The following KDM5C variants were observed in gnomAD, a reference collection of about 807,000 sequenced individuals.
KDM5C encodes the protein lysine demethylase 5C, also known as lysine-specific demethylase 5C.
KDM5C carries 16 observed loss-of-function variants against 110.6 expected under a neutral mutation model. The observed-to-expected ratio is 0.14, with a 90% CI of 0.10 to 0.22. The LOEUF (loss-of-function observed/expected upper bound fraction) is 0.22. Ranked by LOEUF, KDM5C falls within the 10% of genes least tolerant of loss-of-function variation. The pLI is 1.00. For missense variants in KDM5C, 681 were observed against 1,300.9 expected (o/e 0.52, Z 7.33); for synonymous variants, 511 against 520.4 (o/e 0.98, Z 0.24).
At chrX:53,219,131 G>A (rs1032256043) in intron 2 of KDM5C, among the ~76,000 whole-genome samples, 6 of 112,582 alleles carry the variant, frequency 5.3e-5, no homozygotes, top group Admixed American at 3.7e-4. Context: ...TTGCTATGCT[G>A]CCTTGAGCAA....
In KDM5C at chrX:53,196,717, C is replaced by T; in HGVS notation, c.2950G>A (p.Glu984Lys). Residue 984 changes from glutamate (E) to lysine (K), a missense_variant, in exon 19 of 26, where the codon GAG (glutamate) becomes AAG (lysine). Around this residue, in one of 14 missense-constraint regions of KDM5C, gnomAD observed 66 missense variants for 162.9 expected, o/e 0.41. Coordinates refer to ENST00000375401, the MANE Select transcript of KDM5C (RefSeq NM_004187.5). ...QELLTIAERW[E>K]EKAHLCLEAR... The stretch of plus-strand genomic sequence containing the variant: ...TCCAGGCAGAGGTGGGCTTTCTCCT[C>T]CCAGCGTTCAGCAATGGTCAGCAGT... 8.3e-7 allele frequency: 1 copy of T among 1,211,798 alleles called. No individual in the cohort carries two copies. The highest frequency in any genetic ancestry group is 1.1e-6 in the Non-Finnish European group (1 of 895,271).
chrX:53,213,560 G>C (rs1384698938), intron 8 of KDM5C, among the ~76,000 whole-genome samples: 3 of 111,335 alleles, frequency 2.7e-5, no homozygotes, highest in African/African-American at 9.8e-5. Flanking sequence ...TGCTGCTTCA[G>C]CTGCTCTCCT....
At chrX:53,208,542 G>A (rs1464967733) in intron 12 of KDM5C, among the ~76,000 whole-genome samples, 2 of 65,476 alleles carry the variant, frequency 3.1e-5, no homozygotes, top group Non-Finnish European at 5.3e-5. Context: ...CTCTCCACCT[G>A]TTGCCCAGGC....
At chrX:53,181,650 T>C (rs1163352103) in intron 25 of KDM5C, among the ~76,000 whole-genome samples, 2 of 81,743 alleles carry the variant, frequency 2.4e-5, no homozygotes, top group Admixed American at 1.8e-4. Context: ...CTCCATAATA[T>C]GGGTGACAGA....
rs1425423850 is a variant in KDM5C, at chrX:53,217,263, A to G, written c.537T>C (p.Arg179=). The change falls in exon 5 of 26, where the codon CGT becomes CGC. Residue 179 remains arginine, a synonymous_variant. Coordinates refer to ENST00000375401, the MANE Select transcript of KDM5C (RefSeq NM_004187.5). ...TGTCCTTCTCCTCATTATCAAATGG[A>G]CGTGTGTTACACTGCTGGGGACAGG... The part of the protein sequence containing the change: ...SGANLVQCNT[R]PFDNEEKDKE... The G allele has an allele frequency of 3.3e-6, 4 of 1,209,139 alleles. No homozygotes were observed. Among genetic ancestry groups the G allele is most frequent in the South Asian group, 3.5e-5 (2 of 56,659 alleles).
chrX:53,214,653 G>A (rs1556850700), intron 8 of KDM5C, 36 bp downstream of exon 8: 2 of 1,187,193 alleles, frequency 1.7e-6, no homozygotes, highest in South Asian at 3.7e-5. Flanking sequence ...AGGCAAGGAA[G>A]CCCTATGAGG....
intron 8 of KDM5C, 132 bp from the exon 9 acceptor site, chrX:53,212,038 C>A: frequency 1.3e-6 from 1 of 760,294 alleles, no homozygotes; most frequent in Non-Finnish European, 2.0e-6. Context: ...CTGAGGCAGG[C>A]CTTACTTTAC....
chrX:53,222,942 C>G (rs1255482669), intron 1 of KDM5C, among the ~76,000 whole-genome samples: 1 of 111,600 alleles, frequency 9.0e-6, no homozygotes, highest in Non-Finnish European at 1.9e-5. Flanking sequence ...AAACTTCAAC[C>G]AGAAGAAGGC....
At chrX:53,179,594 T>C (rs1388576126) in intron 25 of KDM5C, among the ~76,000 whole-genome samples, 5 of 110,912 alleles carry the variant, frequency 4.5e-5, no homozygotes, top group African/African-American at 1.6e-4. Flanking sequence ...AACACAGCAA[T>C]ACCCCACCTC....
intron 25 of KDM5C, among the ~76,000 whole-genome samples, chrX:53,178,353 A>G (rs963412443): frequency 8.9e-6 from 1 of 112,307 alleles, no homozygotes; most frequent in South Asian, 3.7e-4. Context: ...GTTTTAAAGT[A>G]TACACATGAC....
chrX:53,193,026 T>C lies in KDM5C; in HGVS notation c.4624A>G (p.Thr1542Ala). 3.4e-6 allele frequency: 4 copies of C among 1,191,950 alleles called. No homozygotes were observed. The highest frequency in any genetic ancestry group is 3.4e-6 in the Non-Finnish European group (3 of 885,262). Residue 1542 changes from threonine (T) to alanine (A), a missense_variant, in exon 26 of 26, where the codon ACT becomes GCT. Coordinates refer to ENST00000375401, the MANE Select transcript of KDM5C (RefSeq NM_004187.5). ...GGCAGATGCAGCCGGGGAGTCAGAG[T>C]GGAGAAAGGGGCCGAGGGGCCTGAA... ...TTSGPSAPFSTLTPRLHLPCP... is the reference protein window; with the variant it reads ...TTSGPSAPFSALTPRLHLPCP...
intron 2 of KDM5C, among the ~76,000 whole-genome samples, chrX:53,219,283 C>T (rs1556853612): frequency 1.8e-5 from 2 of 112,753 alleles, no homozygotes; most frequent in African/African-American, 6.4e-5. Context: ...TATATCTAAG[C>T]TCTAGGCATG....
rs782529520 is a variant in KDM5C at position 53,193,019 on chromosome X, G to A, written c.4631C>T (p.Thr1544Ile). The A allele has an allele frequency of 7.2e-5, 86 of 1,188,464 alleles. No individual in the cohort carries two copies. Among genetic ancestry groups the A allele is most frequent in the Non-Finnish European group, 9.5e-5 (84 of 884,159 alleles). Residue 1544 changes from threonine to isoleucine, a missense_variant, in exon 26 of 26, where the codon ACT becomes ATT. This residue lies in a region of KDM5C where 115 missense variants were observed against 120.9 expected (regional missense o/e 0.95). Coordinates refer to ENST00000375401, the MANE Select transcript of KDM5C (RefSeq NM_004187.5). ...TGGGCAGGGCAGATGCAGCCGGGGA[G>A]TCAGAGTGGAGAAAGGGGCCGAGGG... ...SGPSAPFSTL[T>I]PRLHLPCPQQ...
In KDM5C at chrX:53,193,768, C is replaced by A; in HGVS notation, c.4117+5G>T. 8.3e-7 allele frequency: 1 copy of A among 1,206,526 alleles called. No individual in the cohort carries two copies. The highest frequency in any genetic ancestry group is 1.1e-6 in the Non-Finnish European group (1 of 890,538). ...ACAGCCTACCCACACCACACCTAGA[C>A]CTACCTCTCTTACCTGAGCCCTCCT... On this transcript the variant is annotated splice_donor_5th_base_variant and intron_variant, in intron 24 of 25. Coordinates refer to ENST00000375401, the MANE Select transcript of KDM5C (RefSeq NM_004187.5).
In KDM5C at chrX:53,193,114, G is replaced by A; in HGVS notation, c.4536C>T (p.Pro1512=). 1.7e-6 allele frequency: 2 copies of A among 1,210,261 alleles called. No homozygotes were observed. The highest frequency in any genetic ancestry group is 1.1e-6 in the Non-Finnish European group (1 of 894,874). Residue 1512 remains proline (P), a synonymous_variant, in exon 26 of 26, where the codon CCC becomes CCT. Transcript: ENST00000375401. ...CCTGGGTGCTGGGGCTGCCAGTGGT[G>A]GGGATGGGTGCAGGGGGGCCCTCAC... ...TGGEGPPAPI[P]TTGSPSTQEN... is the part of the protein sequence containing the mutation.
chrX:53,217,999 GCCA>G (rs782285313), intron 3 of KDM5C, 33 bp from the exon 4 acceptor site: 1 of 1,191,284 alleles, frequency 8.4e-7, no homozygotes, highest in African/African-American at 1.8e-5. Flanking sequence ...ACATGGATGT[GCCA>G]CGTGTATTTA....
At chrX:53,212,981 A>T (rs1205232283) in intron 8 of KDM5C, among the ~76,000 whole-genome samples, 1 of 111,481 alleles carries the variant, frequency 9.0e-6, no homozygotes, top group African/African-American at 3.3e-5. Context: ...AGCCTGGGTG[A>T]CAGAGCAAGA....
At chrX:53,181,942 C>A (rs782270039) in intron 25 of KDM5C, among the ~76,000 whole-genome samples, 2 of 109,819 alleles carry the variant, frequency 1.8e-5, no homozygotes, top group Admixed American at 9.7e-5. Context: ...GCGCCCACCA[C>A]CACACCTGGC....
Position 53,211,524 on chromosome X carries a change from A to G in KDM5C, c.1374T>C (p.Ser458=). Residue 458 remains serine, a synonymous_variant, in exon 10 of 26, where the codon AGT becomes AGC. Coordinates refer to ENST00000375401, the MANE Select transcript of KDM5C (RefSeq NM_004187.5). ...CCTCTTCGGGGGTTAGGTGCCGTTT[A>G]CTGTCACTGACAGGGAAACCGCTGC... ...EFGSGFPVSD[S]KRHLTPEEEE... 1.7e-6 allele frequency: 2 copies of G among 1,211,822 alleles called. No individual in the cohort carries two copies. The highest frequency in any genetic ancestry group is 1.8e-5 in the South Asian group (1 of 56,969).
Sources: gnomAD v4.1 joint callset for allele counts (sites outside exome capture counted in the v4.1 genomes callset) on GRCh38, gnomAD v4.1.1 for gene constraint, gnomAD v4.1.1 regional missense constraint, MANE v1.5 for transcripts, NCBI Gene and HGNC (gene_info 2026-07-23, HGNC 2026-07-21) for gene names.